EPB41L3: variants seen among roughly 807,000 people sequenced by gnomAD.
EPB41L3 encodes the protein erythrocyte membrane protein band 4.1 like 3.
In EPB41L3, 57 loss-of-function variants were observed where a neutral mutation model predicts 127.1. The ratio of observed to expected loss-of-function variants is 0.45; its 90% CI spans 0.36 to 0.56. The LOEUF (loss-of-function observed/expected upper bound fraction) is 0.56. Ranked by LOEUF, EPB41L3 falls within the 20% of genes least tolerant of loss-of-function variation. EPB41L3 has a pLI of 0.00. For missense variants in EPB41L3, 1,273 were observed against 1,372.2 expected, an observed-to-expected ratio of 0.93 and a Z score of 1.14; for synonymous variants, 572 against 549.5, an observed-to-expected ratio of 1.04 and a Z score of -0.57.
At chr18:5,469,703 A>G (rs2085739634) in intron 3 of EPB41L3, among the ~76,000 whole-genome samples, 1 of 152,070 alleles carries the variant, frequency 6.6e-6, no homozygotes, top group East Asian at 1.9e-4. Flanking sequence ...CTGTGACACT[A>G]CTAAAACACA....
chr18:5,543,178 A>G lies in EPB41L3; in HGVS notation c.-12+735T>C, dbSNP rs1033878664. The G allele has an allele frequency of 6.6e-5, 10 of 150,994 alleles. No individual in the cohort carries two copies. Among genetic ancestry groups the G allele is most frequent in the African/African-American group, 9.7e-5 (4 of 41,258 alleles). 9.4% of individuals were successfully genotyped at this position (150,994 alleles called of 1,614,324 possible). On this transcript the variant is annotated intron_variant, in intron 1 of 22. Coordinates refer to ENST00000341928, the MANE Select transcript of EPB41L3 (RefSeq NM_012307.5). This position sits in a 1 kb window ranked among gnomAD's most constrained non-coding sequence, Gnocchi z 5.2. Reference sequence around the variant, plus strand: ...GGGGCCCCGGCAGGTGCCCAGGCCCAGGGCAACCCCGCTTGGACGCTCCCT... The same window carrying G: ...GGGGCCCCGGCAGGTGCCCAGGCCCGGGGCAACCCCGCTTGGACGCTCCCT...
chr18:5,444,232 T>C (rs2081173061), intron 4 of EPB41L3, among the ~76,000 whole-genome samples: 2 of 152,238 alleles, frequency 1.3e-5, no homozygotes, highest in Non-Finnish European at 2.9e-5. Context: ...TGTAACTGGA[T>C]ACACTGATAT....
chr18:5,462,430 C>T (rs2084181995), intron 3 of EPB41L3, among the ~76,000 whole-genome samples: 2 of 152,210 alleles, frequency 1.3e-5, no homozygotes, highest in South Asian at 2.1e-4. Context: ...ATGCAACCTT[C>T]CACTTCCTGT....
At chr18:5,450,479 GGAA>G (rs2082144706) in intron 3 of EPB41L3, among the ~76,000 whole-genome samples, 1 of 151,192 alleles carries the variant, frequency 6.6e-6, no homozygotes, top group African/African-American at 2.4e-5. Flanking sequence ...GGGGGTGAGG[GGAA>G]GAGTGTGAGG....
intron 3 of EPB41L3, among the ~76,000 whole-genome samples, chr18:5,454,213 T>G (rs74930504): frequency 6.6e-6 from 1 of 150,758 alleles, no homozygotes; most frequent in Non-Finnish European, 1.5e-5. Flanking sequence ...TTCCTTGTTT[T>G]TTTTTTTTTT....
intron 20 of EPB41L3, among the ~76,000 whole-genome samples, 172 bp from the exon 21 acceptor site, chr18:5,395,319 G>A (rs1422382366): frequency 6.6e-6 from 1 of 152,164 alleles, no homozygotes; most frequent in Non-Finnish European, 1.5e-5. Context: ...ACGGAATGGA[G>A]GCCCTTGGGT....
At chr18:5,558,434 G>A (rs2094072507) in intron 3 of EPB41L3, among the ~76,000 whole-genome samples, 1 of 152,192 alleles carries the variant, frequency 6.6e-6, no homozygotes, top group Admixed American at 6.5e-5. Flanking sequence ...GCAGAAATGA[G>A]CCTAACAAAC....
chr18:5,547,249 T>C (rs1360058447), upstream of EPB41L3, among the ~76,000 whole-genome samples: 1 of 152,232 alleles, frequency 6.6e-6, no homozygotes, highest in Non-Finnish European at 1.5e-5. Context: ...AAAGCCACTA[T>C]AGCCCCAGAG....
chr18:5,556,116 C>T (rs2094031496), intron 3 of EPB41L3, among the ~76,000 whole-genome samples: 1 of 152,130 alleles, frequency 6.6e-6, no homozygotes, highest in African/African-American at 2.4e-5. Flanking sequence ...AAGAGACGCT[C>T]AGTGAATATT....
intron 12 of EPB41L3, 147 bp from the exon 13 acceptor site, chr18:5,416,525 TTAAAG>T (rs1180192980): frequency 5.1e-6 from 4 of 789,022 alleles, no homozygotes; most frequent in Non-Finnish European, 7.8e-6. Context: ...CTCATGAATG[TTAAAG>T]TATTCAAGCT....
rs1190047630 is a variant in EPB41L3 at position 5,511,391 on chromosome 18, G to GTTTTTTTTTT, written c.-11-22207_-11-22198dup. On this transcript the variant is annotated intron_variant, in intron 1 of 22. Transcript: ENST00000341928. ...CTTTAATAGCTGTGGAGGTATTTTG[G>GTTTTTTTTTT]TTTTTTTTTTTTTTTTTTTTTTTTT... 1.7e-3 allele frequency among the ~76,000 whole-genome samples: 102 copies of GTTTTTTTTTT among 59,814 alleles called. 3 individuals carry two copies. Among genetic ancestry groups the GTTTTTTTTTT allele is most frequent in the African/African-American group, 3.3e-3 (48 of 14,700 alleles). 39.2% of individuals were successfully genotyped at this position (59,814 alleles called of 152,430 possible).
intron 3 of EPB41L3, among the ~76,000 whole-genome samples, chr18:5,477,621 T>C (rs998592160): frequency 6.6e-6 from 1 of 152,146 alleles, no homozygotes; most frequent in Non-Finnish European, 1.5e-5. Flanking sequence ...TCCAGACAGG[T>C]TGTGTTCTCA....
At chr18:5,408,848 C>A (rs1398579078) in intron 14 of EPB41L3, among the ~76,000 whole-genome samples, 1 of 152,166 alleles carries the variant, frequency 6.6e-6, no homozygotes, top group Non-Finnish European at 1.5e-5. Context: ...GCAGGCCAAG[C>A]CACATGTGCA....
chr18:5,440,857 T>A (rs568718146), intron 5 of EPB41L3, among the ~76,000 whole-genome samples: 2 of 152,306 alleles, frequency 1.3e-5, no homozygotes, highest in African/African-American at 4.8e-5. Flanking sequence ...AAGAATTTTT[T>A]TCATAAGAAC....
At chr18:5,552,487 T>C (rs570824498) in intron 3 of EPB41L3, among the ~76,000 whole-genome samples, 1 of 152,330 alleles carries the variant, frequency 6.6e-6, no homozygotes, top group Non-Finnish European at 1.5e-5. Flanking sequence ...TACTTTTTGA[T>C]GAAACAGATA....
At chr18:5,465,950 C>T (rs1283157447) in intron 3 of EPB41L3, among the ~76,000 whole-genome samples, 2 of 148,680 alleles carry the variant, frequency 1.3e-5, no homozygotes, top group Non-Finnish European at 3.0e-5. Context: ...GGTGAGTGAT[C>T]CATATGTATT....
chr18:5,576,864 G>A (rs752069056), intron 3 of EPB41L3, among the ~76,000 whole-genome samples: 4 of 152,188 alleles, frequency 2.6e-5, no homozygotes, highest in Non-Finnish European at 4.4e-5. Context: ...CTAAGCATAA[G>A]TACACGGCAT....
Position 5,415,845 on chromosome 18 carries a change from A to T in EPB41L3, c.2040T>A (p.Asn680Lys). The T allele has an allele frequency of 6.2e-7, 1 of 1,613,054 alleles. No individual in the cohort carries two copies. The highest frequency in any genetic ancestry group is 1.1e-5 in the South Asian group (1 of 91,046). The change falls in exon 13 of 23, where the codon AAT (asparagine) becomes AAA (lysine). Residue 680 changes from asparagine to lysine, a missense_variant. By Grantham distance (94) the Asn-to-Lys change is moderately conservative. Around this residue, in one of 3 missense-constraint regions of EPB41L3, gnomAD observed 765 missense variants for 782.9 expected, o/e 0.98. Transcript: ENST00000341928. The part of the protein sequence containing the change: ...KAASLSASLD[N>K]DPSDSSEEET... ...CTTCCTCTGAACTGTCACTCGGGTC[A>T]TTGTCTAGGGAGGCGCTCAAGGAGG...
At chr18:5,419,686 C>T in intron 12 of EPB41L3, 25 bp downstream of exon 12, 1 of 1,612,978 alleles carries the variant, frequency 6.2e-7, no homozygotes, top group Non-Finnish European at 8.5e-7. Flanking sequence ...GGAGCAAGCT[C>T]TTGCAGGCAG....
Sources: gnomAD v4.1 joint callset for allele counts (sites outside exome capture counted in the v4.1 genomes callset) on GRCh38, gnomAD v4.1.1 for gene constraint, gnomAD v4.1.1 regional missense constraint, Gnocchi (gnomAD v3.1) non-coding constraint, MANE v1.5 for transcripts, NCBI Gene and HGNC (gene_info 2026-07-23, HGNC 2026-07-21) for gene names.